ARG2: variants seen among roughly 807,000 people sequenced by gnomAD.
ARG2 encodes arginase 2.
Under a neutral mutation model 39.4 loss-of-function variants are expected in ARG2, and 21 were observed. The observed-to-expected ratio is 0.53, with a 90% CI of 0.38 to 0.77. The LOEUF (loss-of-function observed/expected upper bound fraction) is 0.77. Ranked by LOEUF, ARG2 falls within the 30% of genes least tolerant of loss-of-function variation. The pLI is 0.00. For missense variants in ARG2, 378 were observed against 426.2 expected (o/e 0.89, Z 1.00); for synonymous variants, 150 against 156.7 (o/e 0.96, Z 0.32).
At chr14:67,627,102 A>G (rs1470677729) in intron 2 of ARG2, among the ~76,000 whole-genome samples, 1 of 152,112 alleles carries the variant, frequency 6.6e-6, no homozygotes, top group East Asian at 1.9e-4. Context: ...CCGAAGGGTG[A>G]TGGGACTGTT....
chr14:67,642,158 C>T (rs1289520266), intron 2 of ARG2, 28 bp from the exon 3 acceptor site: 6 of 1,607,818 alleles, frequency 3.7e-6, no homozygotes, highest in Non-Finnish European at 5.1e-6. Context: ...ACAGAAAATT[C>T]ATCTTGTCAT....
At chr14:67,634,967 G>A (rs1475967317) in intron 2 of ARG2, among the ~76,000 whole-genome samples, 4 of 152,186 alleles carry the variant, frequency 2.6e-5, no homozygotes, top group South Asian at 2.1e-4. Context: ...TCTTTGGCTG[G>A]GCGCACGGTG....
intron 2 of ARG2, among the ~76,000 whole-genome samples, chr14:67,627,481 T>A (rs1362992006): frequency 6.6e-6 from 1 of 152,138 alleles, no homozygotes; most frequent in African/African-American, 2.4e-5. Context: ...TGAAAAGAGA[T>A]GAAACTGGCA....
Position 67,642,793 on chromosome 14 carries a change from C to CTTTTTTTTTTTTTTTTTTTTTTTTTTT in ARG2, c.362+431_362+457dup, listed in dbSNP as rs869215946. ...CCCCTTTGGCATGTTACTACATTTT[C>CTTTTTTTTTTTTTTTTTTTTTTTTTTT]TTTTTTTTTTTTTTTTTTTTTTTTT... On this transcript the variant is annotated intron_variant, in intron 3 of 7. Transcript: ENST00000261783. Among the ~76,000 whole-genome samples the CTTTTTTTTTTTTTTTTTTTTTTTTTTT allele has an allele frequency of 5.3e-5, 4 of 75,518 alleles. 1 individual carries two copies. Among genetic ancestry groups the CTTTTTTTTTTTTTTTTTTTTTTTTTTT allele is most frequent in the African/African-American group, 1.1e-4 (2 of 18,234 alleles). The allele number at this position is 75,518 out of a possible 152,430, so 49.5% of individuals were successfully genotyped here. A position where few individuals can be genotyped will look rare whatever the true frequency, so the allele number is the denominator to read the frequency against.
intron 3 of ARG2, among the ~76,000 whole-genome samples, chr14:67,644,486 A>G (rs75664871): frequency 0.04 from 6,116 of 152,242 alleles, 362 homozygotes; most frequent in African/African-American, 0.13. Flanking sequence ...GGGACATGGC[A>G]CCTAGAATAG....
At chr14:67,644,152 G>A (rs1178162995) in intron 3 of ARG2, among the ~76,000 whole-genome samples, 1 of 152,166 alleles carries the variant, frequency 6.6e-6, no homozygotes, top group Non-Finnish European at 1.5e-5. Flanking sequence ...TTAAAGCTTA[G>A]GCAATCTGAA....
intron 2 of ARG2, among the ~76,000 whole-genome samples, chr14:67,625,254 G>C (rs1253582256): frequency 1.3e-5 from 2 of 152,052 alleles, no homozygotes; most frequent in Non-Finnish European, 2.9e-5. Flanking sequence ...AACTGTTAGA[G>C]AACATAGGAC....
Position 67,619,940 on chromosome 14 carries a change from C to T in ARG2, c.-38C>T, listed in dbSNP as rs17185182. The T allele has an allele frequency of 7.1e-7, 1 of 1,411,510 alleles. No homozygotes were observed. The highest frequency in any genetic ancestry group is 9.5e-7 in the Non-Finnish European group (1 of 1,049,390). The allele number at this position is 1,411,510 out of a possible 1,614,324, so 87.4% of individuals were successfully genotyped here. A position where few individuals can be genotyped will look rare whatever the true frequency, so the allele number is the denominator to read the frequency against. On this transcript the variant is annotated 5_prime_UTR_variant, in exon 1 of 8. Coordinates refer to ENST00000261783, the MANE Select transcript of ARG2 (RefSeq NM_001172.4). ...CGCTCACTCCCGGCTTCCAACCGCGCGGAGCCTCTGCCTTGGAGATTCTCA... is the reference window on the plus strand; with the variant it reads ...CGCTCACTCCCGGCTTCCAACCGCGTGGAGCCTCTGCCTTGGAGATTCTCA...
At chr14:67,644,139 A>G (rs983851964) in intron 3 of ARG2, among the ~76,000 whole-genome samples, 3 of 152,338 alleles carry the variant, frequency 2.0e-5, no homozygotes, top group South Asian at 2.1e-4. Flanking sequence ...TACCAGCTCA[A>G]TGTTAAAGCT....
In ARG2 at chr14:67,620,982, T is replaced by A. The variant is rs756162236; in HGVS notation, c.184+16T>A. ...TCCAGTTTGGGTAAGTGGTTAGATT[T>A]TTAGATATTAGTGCAGGACTAGTAA... On this transcript the variant is annotated intron_variant, in intron 2 of 7. Coordinates refer to ENST00000261783, the MANE Select transcript of ARG2 (RefSeq NM_001172.4). The A allele has an allele frequency of 6.2e-7, 1 of 1,613,040 alleles. No homozygotes were observed. Among genetic ancestry groups the A allele is most frequent in the East Asian group, 2.2e-5 (1 of 44,862 alleles).
chr14:67,645,700 C>A lies in ARG2; in HGVS notation c.420C>A (p.Val140=), dbSNP rs1051170396. 6.2e-7 allele frequency: 1 copy of A among 1,614,068 alleles called. No homozygotes were observed. Among genetic ancestry groups the A allele is most frequent in the Non-Finnish European group, 8.5e-7 (1 of 1,179,962 alleles). ...HARHCPDLCV[V]WVDAHADINT... ...GACACTGCCCAGACCTTTGTGTTGTCTGGGTTGATGCCCATGCTGACATCA... is the reference window on the plus strand; with the variant it reads ...GACACTGCCCAGACCTTTGTGTTGTATGGGTTGATGCCCATGCTGACATCA... The change falls in exon 4 of 8, where the codon GTC becomes GTA. Residue 140 remains valine, a synonymous_variant. Transcript: ENST00000261783.
intron 2 of ARG2, among the ~76,000 whole-genome samples, chr14:67,630,426 G>C (rs1354610292): frequency 6.6e-6 from 1 of 152,172 alleles, no homozygotes; most frequent in African/African-American, 2.4e-5. Context: ...CTCAGCAGCA[G>C]GATGGAAGAA....
chr14:67,633,267 C>A (rs1298730315), intron 2 of ARG2, among the ~76,000 whole-genome samples: 1 of 151,992 alleles, frequency 6.6e-6, no homozygotes, highest in East Asian at 1.9e-4. Flanking sequence ...TGTAGGTTCT[C>A]TCTTTTTTTT....
chr14:67,621,449 G>A (rs1213940545), intron 2 of ARG2, among the ~76,000 whole-genome samples: 6 of 151,094 alleles, frequency 4.0e-5, no homozygotes, highest in African/African-American at 1.5e-4. Flanking sequence ...TATATTTTCC[G>A]TGTTCTTTTT....
Position 67,651,571 on chromosome 14 carries a change from A to C in ARG2, c.*651A>C, listed in dbSNP as rs1175325883. ...GGGTTAGACCTGGGACCACGGCTGG[A>C]TACTCTGAGGCTGTATGTTTGATCA... is the stretch of plus-strand genomic sequence containing the variant. On this transcript the variant is annotated 3_prime_UTR_variant, in exon 8 of 8. Transcript: ENST00000261783. The C allele has an allele frequency of 7.0e-7, 1 of 1,429,352 alleles. No homozygotes were observed. Among genetic ancestry groups the C allele is most frequent in the Non-Finnish European group, 9.5e-7 (1 of 1,054,150 alleles). 88.5% of individuals were successfully genotyped at this position (1,429,352 alleles called of 1,614,324 possible).
Position 67,620,039 on chromosome 14 carries a change from A to G in ARG2, c.62A>G (p.Lys21Arg). Residue 21 changes from lysine to arginine, a missense_variant, in exon 1 of 8, where the codon AAA becomes AGA. Coordinates refer to ENST00000261783, the MANE Select transcript of ARG2 (RefSeq NM_001172.4). The stretch of plus-strand genomic sequence containing the variant: ...ACGCGAGTGCATTCCATCCTGAAGA[A>G]ATCCGTCCACTCCGTGGCTGTGATA... Reference protein sequence around the residue: ...LQTRVHSILKKSVHSVAVIGA... With the variant: ...LQTRVHSILKRSVHSVAVIGA... The G allele has an allele frequency of 1.2e-6, 2 of 1,612,176 alleles. No homozygotes were observed. Among genetic ancestry groups the G allele is most frequent in the Non-Finnish European group, 1.7e-6 (2 of 1,179,232 alleles).
intron 2 of ARG2, among the ~76,000 whole-genome samples, chr14:67,633,933 G>A (rs900976078): frequency 5.3e-5 from 8 of 152,088 alleles, no homozygotes; most frequent in African/African-American, 7.2e-5. Context: ...CTCTGTTCCC[G>A]CCACACCCTT....
chr14:67,633,062 C>T (rs1022941710), intron 2 of ARG2, among the ~76,000 whole-genome samples: 1 of 151,908 alleles, frequency 6.6e-6, no homozygotes, highest in Non-Finnish European at 1.5e-5. Context: ...CCTCGTGATC[C>T]GCCCGCCTCG....
chr14:67,641,961 T>C (rs576464410), intron 2 of ARG2, among the ~76,000 whole-genome samples: 1 of 152,334 alleles, frequency 6.6e-6, no homozygotes, highest in African/African-American at 2.4e-5. Context: ...TTTTTTATTG[T>C]TGGGTTAAGT....
Sources: gnomAD v4.1 joint callset for allele counts (sites outside exome capture counted in the v4.1 genomes callset) on GRCh38, gnomAD v4.1.1 for gene constraint, MANE v1.5 for transcripts, NCBI Gene and HGNC (gene_info 2026-07-23, HGNC 2026-07-21) for gene names.